PHRF1: variants seen among roughly 807,000 people sequenced by gnomAD.
PHRF1 encodes the protein PHD and RING finger domain-containing protein 1.
A neutral mutation model predicts 128.9 loss-of-function variants in PHRF1; 53 were observed. The observed-to-expected ratio is 0.41, with a 90% CI of 0.33 to 0.52. The LOEUF is 0.52. PHRF1 is among the 20% of genes least tolerant of loss of function. PHRF1 has a pLI of 0.21. For missense variants in PHRF1, 2,503 were observed against 2,284.5 expected (o/e 1.10, Z -1.95); for synonymous variants, 1,178 against 980.6 (o/e 1.20, Z -3.76).
chr11:592,100 A>G (rs1329659583), intron 5 of PHRF1, among the ~76,000 whole-genome samples: 1 of 152,032 alleles, frequency 6.6e-6, no homozygotes, highest in Non-Finnish European at 1.5e-5. Context: ...TATTTTTAGT[A>G]GAGACGGGGT....
chr11:606,831 C>G (rs878899665), intron 13 of PHRF1: 1 of 873,152 alleles, frequency 1.1e-6, no homozygotes, highest in Non-Finnish European at 1.7e-6. Flanking sequence ...GGGGTACTGC[C>G]CCCGCCCCTG....
At chr11:609,770 GC>G in intron 14 of PHRF1, 50 bp downstream of exon 14, 1 of 1,250,284 alleles carries the variant, frequency 8.0e-7, no homozygotes, top group Non-Finnish European at 1.1e-6. Flanking sequence ...AGTGAGTAAG[GC>G]CCTGGCCCCC....
intron 9 of PHRF1, 36 bp from the exon 10 acceptor site, chr11:601,538 C>G (rs1855625466): frequency 6.2e-7 from 1 of 1,612,668 alleles, no homozygotes; most frequent in Non-Finnish European, 8.5e-7. Flanking sequence ...GAGGGCCCAG[C>G]ACAGAGAAGC....
rs774415476 is a variant in PHRF1 at position 608,072 on chromosome 11, G to A, written c.2616G>A (p.Thr872=). The change falls in exon 14 of 18, where the codon ACG becomes ACA. Residue 872 remains threonine (T), a synonymous_variant. Transcript: ENST00000264555. Reference sequence around the variant, plus strand: ...CCATCAACAGCCCGAAGGCCCAGACGGTGCAGGCTGTGCGCTGCGTCACCT... The same window carrying A: ...CCATCAACAGCCCGAAGGCCCAGACAGTGCAGGCTGTGCGCTGCGTCACCT... ...TISINSPKAQ[T]VQAVRCVTSY... is the part of the protein sequence containing the mutation. The A allele has an allele frequency of 1.7e-5, 28 of 1,611,488 alleles. No homozygotes were observed. The highest frequency in any genetic ancestry group is 9.3e-5 in the African/African-American group (7 of 74,912).
chr11:597,907 T>C lies in PHRF1; in HGVS notation c.894+337T>C, dbSNP rs74426336. ...ACCTGTGAGCACCTTCCTCTTGCACTGGACCTGGTGCTCGGTTTCAGGTGC... is the reference window on the plus strand; with the variant it reads ...ACCTGTGAGCACCTTCCTCTTGCACCGGACCTGGTGCTCGGTTTCAGGTGC... On this transcript the variant is annotated intron_variant, in intron 8 of 17. Transcript: ENST00000264555. This position sits in a 1 kb window ranked among gnomAD's most constrained non-coding sequence, Gnocchi z 6.5. Among the ~76,000 whole-genome samples, 2 of 152,212 alleles carry C rather than the reference T, an allele frequency of 1.3e-5. No individual in the cohort carries two copies. The highest frequency in any genetic ancestry group is 6.5e-5 in the Admixed American group (1 of 15,282).
intron 4 of PHRF1, among the ~76,000 whole-genome samples, chr11:590,323 G>A (rs1589871715): frequency 1.3e-5 from 2 of 152,202 alleles, no homozygotes; most frequent in African/African-American, 4.8e-5. Flanking sequence ...CACGTCCATC[G>A]ATGTTCACCA....
intron 6 of PHRF1, among the ~76,000 whole-genome samples, chr11:595,187 G>T (rs1855209147): frequency 6.6e-6 from 1 of 152,156 alleles, no homozygotes; most frequent in Non-Finnish European, 1.5e-5. Flanking sequence ...GCCGGGCGTG[G>T]TGGTTCACAC....
intron 9 of PHRF1, among the ~76,000 whole-genome samples, chr11:600,032 T>C (rs1265105149): frequency 2.0e-5 from 3 of 152,066 alleles, no homozygotes; most frequent in Admixed American, 1.3e-4. Context: ...TTAATCTTTA[T>C]GTCACTACAG....
intron 3 of PHRF1, 138 bp from the exon 4 acceptor site, chr11:587,121 A>G (rs1042897556): frequency 8.0e-6 from 6 of 746,726 alleles, no homozygotes; most frequent in Non-Finnish European, 1.4e-5. Flanking sequence ...ACGTGGAGGT[A>G]AGTGGCAGGA....
intron 9 of PHRF1, among the ~76,000 whole-genome samples, chr11:600,224 C>T (rs1855544712): frequency 6.6e-6 from 1 of 151,508 alleles, no homozygotes; most frequent in South Asian, 2.1e-4. Context: ...TTCTGTGTCT[C>T]TCCCCGATAG....
chr11:601,479 G>A lies in PHRF1; in HGVS notation c.1025-95G>A, dbSNP rs116736285. The A allele has an allele frequency of 2.9e-3, 4,529 of 1,540,690 alleles. 132 individuals carry two copies. In the African/African-American group the frequency reaches 0.055, roughly 19 times the overall value. The stretch of plus-strand genomic sequence containing the variant: ...CCGGTGCGTGTGGTCCCGCTGTACC[G>A]GCTCCTTGGGCTCCGTCCACTGGGC... On this transcript the variant is annotated intron_variant, in intron 9 of 17. Coordinates refer to ENST00000264555, the MANE Select transcript of PHRF1 (RefSeq NM_001286581.2).
At chr11:579,867 C>T (rs1387897086) in intron 1 of PHRF1, among the ~76,000 whole-genome samples, 5 of 152,312 alleles carry the variant, frequency 3.3e-5, no homozygotes, top group Middle Eastern at 3.4e-3. Flanking sequence ...TTTGCACTGT[C>T]TTGTCAGATG....
At chr11:601,736 T>C in intron 10 of PHRF1, 35 bp downstream of exon 10, 1 of 1,612,578 alleles carries the variant, frequency 6.2e-7, no homozygotes, top group South Asian at 1.1e-5. Context: ...AGTCTCCTGC[T>C]GGCCACAGCA....
intron 3 of PHRF1, 114 bp downstream of exon 3, chr11:582,195 GCGGTCACCTA>G: frequency 5.4e-6 from 8 of 1,492,118 alleles, no homozygotes; most frequent in Non-Finnish European, 7.2e-6. Flanking sequence ...CCATGTCCCT[GCGGTCACCTA>G]CGGTGAGGCC....
At position 609,135 on chromosome 11, in the gene PHRF1, C is replaced by T; in HGVS notation, c.3679C>T (p.His1227Tyr). Reference protein sequence around the residue: ...PTRLPALGEAHVSPEVATADK... With the variant: ...PTRLPALGEAYVSPEVATADK... ...CAGGTTGCCAGCCTTGGGGGAAGCACATGTCTCGCCGGAGGTGGCTACGGC... is the reference window on the plus strand; with the variant it reads ...CAGGTTGCCAGCCTTGGGGGAAGCATATGTCTCGCCGGAGGTGGCTACGGC... Residue 1227 changes from histidine to tyrosine, a missense_variant, in exon 14 of 18, where the codon CAT becomes TAT. Coordinates refer to ENST00000264555, the MANE Select transcript of PHRF1 (RefSeq NM_001286581.2). The T allele has an allele frequency of 6.2e-7, 1 of 1,606,314 alleles. No homozygotes were observed. Among genetic ancestry groups the T allele is most frequent in the Admixed American group, 1.7e-5 (1 of 59,962 alleles).
intron 9 of PHRF1, among the ~76,000 whole-genome samples, chr11:600,725 G>T (rs1855578841): frequency 1.3e-5 from 2 of 151,914 alleles, no homozygotes; most frequent in Non-Finnish European, 2.9e-5. Context: ...CCAGCACTTT[G>T]GGAGGCCGAG....
Position 585,680 on chromosome 11 carries a change from C to CTT in PHRF1, c.215-1562_215-1561dup, listed in dbSNP as rs1212904400. On this transcript the variant is annotated intron_variant, in intron 3 of 17. Coordinates refer to ENST00000264555, the MANE Select transcript of PHRF1 (RefSeq NM_001286581.2). ...AGCTTGAGGTAGTAGCTCTTCAACT[C>CTT]TTTTTTTTTTTTTTTTTTGAGGTCG... 9.7e-4 allele frequency among the ~76,000 whole-genome samples: 68 copies of CTT among 70,354 alleles called. 18 individuals carry two copies. Among genetic ancestry groups the CTT allele is most frequent in the Admixed American group, 1.8e-3 (12 of 6,830 alleles). 46.2% of individuals were successfully genotyped at this position (70,354 alleles called of 152,430 possible).
At position 605,539 on chromosome 11, in the gene PHRF1, C is replaced by A. The variant is rs964895388; in HGVS notation, c.1335-66C>A. Reference sequence around the variant, plus strand: ...TCGGCCATCCTCCTCCGTGCCGTCTCCCTGGGCTGGGGTTTCTGGGAGCTG... The same window carrying A: ...TCGGCCATCCTCCTCCGTGCCGTCTACCTGGGCTGGGGTTTCTGGGAGCTG... On this transcript the variant is annotated intron_variant, in intron 11 of 17. Transcript: ENST00000264555. 2.5e-6 allele frequency: 4 copies of A among 1,590,428 alleles called. No individual in the cohort carries two copies. The African/African-American group carries it at 4.0e-5, about 16-fold the overall frequency.
chr11:581,140 A>G (rs964020505), intron 1 of PHRF1, among the ~76,000 whole-genome samples: 18 of 151,732 alleles, frequency 1.2e-4, no homozygotes, highest in African/African-American at 4.1e-4. Context: ...TTAAAAACAA[A>G]TTTTTATTTT....
Sources: gnomAD v4.1 joint callset for allele counts (sites outside exome capture counted in the v4.1 genomes callset) on GRCh38, gnomAD v4.1.1 for gene constraint, Gnocchi (gnomAD v3.1) non-coding constraint, MANE v1.5 for transcripts, NCBI Gene and HGNC (gene_info 2026-07-23, HGNC 2026-07-21) for gene names.